WDR70: variants seen among roughly 807,000 people sequenced by gnomAD.
WDR70 encodes the protein WD repeat domain 70, also known as WD repeat-containing protein 70.
A neutral mutation model predicts 88.6 loss-of-function variants in WDR70; 53 were observed. The ratio of observed to expected loss-of-function variants is 0.60; its 90% CI spans 0.48 to 0.75. WDR70 has a LOEUF of 0.75. Among genes scored for constraint, WDR70 ranks in the 30% least tolerant of loss-of-function variants. The pLI, the probability that WDR70 is intolerant of heterozygous loss-of-function variation, is 0.00. For synonymous variants in WDR70, 280 were observed against 270.0 expected (o/e 1.04, Z -0.36); for missense variants, 610 against 823.2 (o/e 0.74, Z 3.17).
chr5:37,559,266 C>T (rs1742413214), intron 9 of WDR70, among the ~76,000 whole-genome samples: 1 of 152,124 alleles, frequency 6.6e-6, no homozygotes, highest in African/African-American at 2.4e-5. Context: ...CTATCCTCAT[C>T]ACTAAGCAAG....
intron 9 of WDR70, among the ~76,000 whole-genome samples, chr5:37,575,623 C>T (rs1178184125): frequency 2.6e-5 from 4 of 152,300 alleles, no homozygotes; most frequent in East Asian, 1.9e-4. Flanking sequence ...TACCCAACTC[C>T]GTAGAGACAG....
chr5:37,752,785 A>G lies in WDR70; in HGVS notation c.*212A>G. On this transcript the variant is annotated 3_prime_UTR_variant, in exon 18 of 18. Coordinates refer to ENST00000265107, the MANE Select transcript of WDR70 (RefSeq NM_018034.4). Reference sequence around the variant, plus strand: ...CTATTAAACTGATTACAGATAAACAAGAAACAGATTCTTAGTCTATTACCA... The same window carrying G: ...CTATTAAACTGATTACAGATAAACAGGAAACAGATTCTTAGTCTATTACCA... The G allele has an allele frequency of 4.3e-6, 2 of 465,948 alleles. No homozygotes were observed. The highest frequency in any genetic ancestry group is 7.5e-6 in the Non-Finnish European group (2 of 266,384). 28.9% of individuals were successfully genotyped at this position (465,948 alleles called of 1,614,324 possible).
chr5:37,631,685 C>A (rs78746508), intron 10 of WDR70, among the ~76,000 whole-genome samples: 7,375 of 152,182 alleles, frequency 0.048, 582 homozygotes, highest in African/African-American at 0.16. Flanking sequence ...GTACTTTTAA[C>A]CAACATCTCT....
chr5:37,679,759 C>T (rs541556365), intron 10 of WDR70, among the ~76,000 whole-genome samples: 2 of 152,366 alleles, frequency 1.3e-5, no homozygotes, highest in South Asian at 4.1e-4. Flanking sequence ...CTGGTCTCTT[C>T]AGAGCTGTCA....
intron 9 of WDR70, among the ~76,000 whole-genome samples, chr5:37,603,675 T>G (rs1179868592): frequency 6.6e-6 from 1 of 152,244 alleles, no homozygotes; most frequent in Non-Finnish European, 1.5e-5. Context: ...CATTTCTAAT[T>G]AATTTTATTA....
chr5:37,691,177 A>G (rs1746784209), intron 10 of WDR70, among the ~76,000 whole-genome samples: 1 of 152,246 alleles, frequency 6.6e-6, no homozygotes, highest in Admixed American at 6.5e-5. Flanking sequence ...ACTATCCTAA[A>G]TTATATGCAC....
At chr5:37,385,685 C>T (rs1176591354) in intron 3 of WDR70, among the ~76,000 whole-genome samples, 3 of 151,948 alleles carry the variant, frequency 2.0e-5, no homozygotes, top group Non-Finnish European at 4.4e-5. Context: ...ACTTCAATAG[C>T]ATAAACTTAG....
chr5:37,527,105 T>C (rs1043141027), intron 9 of WDR70, among the ~76,000 whole-genome samples: 2 of 151,992 alleles, frequency 1.3e-5, no homozygotes, highest in Admixed American at 1.3e-4. Context: ...ACCAATGACT[T>C]TCTTCACAGA....
chr5:37,485,336 T>C (rs1288453777), intron 8 of WDR70, among the ~76,000 whole-genome samples: 2 of 152,354 alleles, frequency 1.3e-5, no homozygotes, highest in East Asian at 3.9e-4. Flanking sequence ...AGCACTTTCA[T>C]AGTCATGTGT....
chr5:37,487,524 A>G (rs977353802), intron 8 of WDR70, among the ~76,000 whole-genome samples: 10 of 149,160 alleles, frequency 6.7e-5, no homozygotes, highest in Non-Finnish European at 1.3e-4. Flanking sequence ...GGCCCTCCTA[A>G]TTATATTAAG....
At chr5:37,647,830 G>T (rs1244670709) in intron 10 of WDR70, among the ~76,000 whole-genome samples, 1 of 152,220 alleles carries the variant, frequency 6.6e-6, no homozygotes, top group Non-Finnish European at 1.5e-5. Context: ...CACTGGGACT[G>T]TGCTTGGTCA....
chr5:37,538,673 C>G (rs1044144923), intron 9 of WDR70, among the ~76,000 whole-genome samples: 2 of 152,042 alleles, frequency 1.3e-5, no homozygotes, highest in African/African-American at 4.8e-5. Context: ...AAACATAAAC[C>G]TGAGATGAGG....
intron 9 of WDR70, among the ~76,000 whole-genome samples, chr5:37,582,030 A>G (rs561043013): frequency 6.6e-5 from 10 of 152,198 alleles, no homozygotes; most frequent in Non-Finnish European, 1.5e-5. Flanking sequence ...AATCTTTAGT[A>G]GTACCTGTCT....
chr5:37,515,128 G>A (rs1740847502), intron 8 of WDR70, among the ~76,000 whole-genome samples: 1 of 152,110 alleles, frequency 6.6e-6, no homozygotes. Flanking sequence ...AAGTGATAGT[G>A]ATGAAAAAGA....
chr5:37,391,438 A>T (rs554991219), intron 3 of WDR70, among the ~76,000 whole-genome samples: 136 of 152,318 alleles, frequency 8.9e-4, no homozygotes, highest in Non-Finnish European at 1.2e-3. Flanking sequence ...AGCCTCTGAT[A>T]ACCACCATTC....
intron 14 of WDR70, chr5:37,721,992 C>T (rs1274931973): frequency 2.6e-5 from 4 of 152,100 alleles, no homozygotes; most frequent in Non-Finnish European, 5.9e-5. Flanking sequence ...GAAAGCCAGC[C>T]TCTATTAATG....
intron 7 of WDR70, among the ~76,000 whole-genome samples, chr5:37,453,732 CTTAA>C: frequency 6.6e-6 from 1 of 152,220 alleles, no homozygotes; most frequent in Admixed American, 6.5e-5. Context: ...TAGCCTTTTA[CTTAA>C]TTTCCTGGTT....
chr5:37,424,923 A>G (rs1444927837), intron 5 of WDR70, among the ~76,000 whole-genome samples: 1 of 152,194 alleles, frequency 6.6e-6, no homozygotes. Flanking sequence ...TCTTGCTTTT[A>G]TGGAACTTGC....
intron 10 of WDR70, among the ~76,000 whole-genome samples, chr5:37,605,840 A>G (rs1009530875): frequency 1.3e-5 from 2 of 152,208 alleles, no homozygotes; most frequent in East Asian, 1.9e-4. Flanking sequence ...AGTTCTGTCA[A>G]TTACCAATAA....
Sources: gnomAD v4.1 joint callset for allele counts (sites outside exome capture counted in the v4.1 genomes callset) on GRCh38, gnomAD v4.1.1 for gene constraint, MANE v1.5 for transcripts, NCBI Gene and HGNC (gene_info 2026-07-23, HGNC 2026-07-21) for gene names.